FMNL2: variants seen among roughly 807,000 people sequenced by gnomAD.
FMNL2 encodes the protein formin-like protein 2.
FMNL2 carries 51 observed loss-of-function variants against 130.2 expected under a neutral mutation model. That is an observed-to-expected ratio of 0.39 (90% CI 0.31 to 0.49). FMNL2 has a LOEUF of 0.49. Among genes scored for constraint, FMNL2 ranks in the 20% least tolerant of loss-of-function variants. The pLI is 0.85. For synonymous variants in FMNL2, 465 were observed against 467.1 expected (o/e 1.00, Z 0.06); for missense variants, 977 against 1,316.2 (o/e 0.74, Z 3.99).
At chr2:152,525,548 A>G (rs1024939467) in intron 2 of FMNL2, among the ~76,000 whole-genome samples, 25 of 152,196 alleles carry the variant, frequency 1.6e-4, no homozygotes, top group African/African-American at 5.5e-4. Context: ...TGCTTTGCAT[A>G]GTAGCCTTGG....
At chr2:152,440,415 C>T (rs1486610235) in intron 1 of FMNL2, among the ~76,000 whole-genome samples, 1 of 152,238 alleles carries the variant, frequency 6.6e-6, no homozygotes, top group Non-Finnish European at 1.5e-5. Context: ...GCCATAAATG[C>T]TAACATCTAC....
intron 1 of FMNL2, among the ~76,000 whole-genome samples, chr2:152,409,282 G>T (rs1040996538): frequency 1.3e-5 from 2 of 152,132 alleles, no homozygotes; most frequent in Non-Finnish European, 2.9e-5. Context: ...AATGGCAGCT[G>T]GCAAAAATGC....
intron 1 of FMNL2, among the ~76,000 whole-genome samples, chr2:152,418,073 T>C (rs763112646): frequency 7.9e-5 from 12 of 152,136 alleles, no homozygotes; most frequent in Non-Finnish European, 4.4e-5. Context: ...CTCGAACTCC[T>C]GAGCTCAGAT....
chr2:152,499,543 GA>G (rs775213954), intron 1 of FMNL2, among the ~76,000 whole-genome samples: 1 of 152,086 alleles, frequency 6.6e-6, no homozygotes, highest in Non-Finnish European at 1.5e-5. Flanking sequence ...AGACAGAAGT[GA>G]AAAAAAGGGC....
At chr2:152,505,475 G>A (rs1692113874) in intron 1 of FMNL2, among the ~76,000 whole-genome samples, 1 of 152,120 alleles carries the variant, frequency 6.6e-6, no homozygotes, top group Admixed American at 6.6e-5. Context: ...TGCTTTTCTT[G>A]TAATATTTTC....
chr2:152,501,517 A>G (rs547073675), intron 1 of FMNL2, among the ~76,000 whole-genome samples: 1 of 152,384 alleles, frequency 6.6e-6, no homozygotes, highest in Non-Finnish European at 1.5e-5. Context: ...ATGAGCAGCC[A>G]GTACAGAGGC....
intron 9 of FMNL2, among the ~76,000 whole-genome samples, chr2:152,584,149 A>G (rs1306627605): frequency 6.6e-6 from 1 of 151,774 alleles, no homozygotes; most frequent in African/African-American, 2.4e-5. Flanking sequence ...TTCACATCAT[A>G]GTAAAGTGAA....
intron 1 of FMNL2, among the ~76,000 whole-genome samples, chr2:152,478,243 TA>T (rs1453893475): frequency 0.013 from 463 of 35,986 alleles, 1 homozygote; most frequent in Middle Eastern, 0.026. Context: ...TATATATATA[TA>T]TATATATTTT....
chr2:152,639,439 C>A (rs1682898654), intron 23 of FMNL2, among the ~76,000 whole-genome samples: 1 of 152,202 alleles, frequency 6.6e-6, no homozygotes, highest in Admixed American at 6.5e-5. Flanking sequence ...AGCCTATTCA[C>A]TTTCTTCTAG....
rs1432037291 is a variant in FMNL2 at position 152,622,633 on chromosome 2, C to G, written c.1838-2805C>G. On this transcript the variant is annotated intron_variant, in intron 15 of 25. Coordinates refer to ENST00000288670, the MANE Select transcript of FMNL2 (RefSeq NM_052905.4). ...GGTCACACTGTGCCTTGACATCTTTCCACTCCATTTTGCTTTGATCCATTG... is the reference window on the plus strand; with the variant it reads ...GGTCACACTGTGCCTTGACATCTTTGCACTCCATTTTGCTTTGATCCATTG... 8.8e-6 allele frequency: 4 copies of G among 456,264 alleles called. No homozygotes were observed. The Admixed American group carries it at 9.4e-5, about 11-fold the overall frequency. 28.3% of individuals were successfully genotyped at this position (456,264 alleles called of 1,614,324 possible).
At chr2:152,360,559 A>G (rs911057547) in intron 1 of FMNL2, among the ~76,000 whole-genome samples, 1 of 152,136 alleles carries the variant, frequency 6.6e-6, no homozygotes, top group African/African-American at 2.4e-5. Context: ...TTCTGAAAGT[A>G]AATACTCATG....
chr2:152,504,480 C>T (rs984759593), intron 1 of FMNL2, among the ~76,000 whole-genome samples: 1 of 151,950 alleles, frequency 6.6e-6, no homozygotes, highest in Non-Finnish European at 1.5e-5. Flanking sequence ...TTCCTGACTT[C>T]GTGATCCGCC....
chr2:152,359,726 G>A (rs1293164388), intron 1 of FMNL2, among the ~76,000 whole-genome samples: 1 of 152,144 alleles, frequency 6.6e-6, no homozygotes, highest in Non-Finnish European at 1.5e-5. Flanking sequence ...TTTGGAAGAA[G>A]GGGAAAATTT....
At position 152,619,117 on chromosome 2, in the gene FMNL2, C is replaced by T. The variant is rs752814088; in HGVS notation, c.1586C>T (p.Pro529Leu). 1 of 1,598,738 alleles carries T rather than the reference C, an allele frequency of 6.3e-7. No homozygotes were observed. The highest frequency in any genetic ancestry group is 8.5e-7 in the Non-Finnish European group (1 of 1,171,082). Reference protein sequence around the residue: ...GAASSGPLPPPPPPLPPSSDT... With the variant: ...GAASSGPLPPLPPPLPPSSDT... ...GCTTCCTCAGGACCCTTGCCCCCTC[C>T]TCCACCACCACTGCCTCCCTCATCA... Residue 529 changes from proline (P) to leucine (L), a missense_variant, in exon 14 of 26, where the codon CCT becomes CTT. This residue lies in a region of FMNL2 where 689 missense variants were observed against 995.9 expected (regional missense o/e 0.69). Transcript: ENST00000288670.
chr2:152,567,800 A>C (rs1394607613), intron 6 of FMNL2, among the ~76,000 whole-genome samples: 1 of 152,200 alleles, frequency 6.6e-6, no homozygotes, highest in Non-Finnish European at 1.5e-5. Flanking sequence ...ACTATTCTTT[A>C]TTTATAGGTA....
chr2:152,611,927 A>T lies in FMNL2; in HGVS notation c.1062+322A>T, dbSNP rs769045599. On this transcript the variant is annotated intron_variant, in intron 11 of 25. Transcript: ENST00000288670. ...TCTCATTGCATCCTTCATCTGGGCTATTGGGCAATTTGTGTTCTTGGTTAC... is the reference window on the plus strand; with the variant it reads ...TCTCATTGCATCCTTCATCTGGGCTTTTGGGCAATTTGTGTTCTTGGTTAC... Among the ~76,000 whole-genome samples, 4 of 152,136 alleles carry T rather than the reference A, an allele frequency of 2.6e-5. No individual in the cohort carries two copies. In the East Asian group the frequency reaches 7.7e-4, roughly 29 times the overall value.
intron 1 of FMNL2, among the ~76,000 whole-genome samples, chr2:152,400,168 C>T (rs538237884): frequency 6.6e-6 from 1 of 152,314 alleles, no homozygotes; most frequent in East Asian, 1.9e-4. Flanking sequence ...CGCAGTGGCT[C>T]ATGCCTGTGG....
chr2:152,542,879 C>T, intron 3 of FMNL2, 60 bp downstream of exon 3: 2 of 1,568,840 alleles, frequency 1.3e-6, no homozygotes, highest in Non-Finnish European at 1.8e-6. Context: ...CAGAATCCTC[C>T]TGCATTGGAA....
rs76993465 is a variant in FMNL2, at chr2:152,517,828, G to A, written c.118-4115G>A. Among the ~76,000 whole-genome samples the A allele has an allele frequency of 7.6e-3, 1,164 of 152,240 alleles. 9 individuals are homozygous for A. Among genetic ancestry groups the A allele is most frequent in the Non-Finnish European group, 0.013 (902 of 68,016 alleles). On this transcript the variant is annotated intron_variant, in intron 1 of 25. Coordinates refer to ENST00000288670, the MANE Select transcript of FMNL2 (RefSeq NM_052905.4). ...AAGTTGTCTCAGATGCCTACAGTGC[G>A]GACATTCTGGTATATGGTTAAAGCC...
Sources: gnomAD v4.1 joint callset for allele counts (sites outside exome capture counted in the v4.1 genomes callset) on GRCh38, gnomAD v4.1.1 for gene constraint, gnomAD v4.1.1 regional missense constraint, MANE v1.5 for transcripts, NCBI Gene and HGNC (gene_info 2026-07-23, HGNC 2026-07-21) for gene names.